The following CENPW variants were observed in gnomAD, a reference collection of about 807,000 sequenced individuals.
CENPW encodes centromere protein W.
CENPW carries 3 observed loss-of-function variants against 11.1 expected under a neutral mutation model. The ratio of observed to expected loss-of-function variants is 0.27; its 90% CI spans 0.12 to 0.70. The LOEUF is 0.70. Among genes scored for constraint, CENPW ranks in the 30% least tolerant of loss-of-function variants. The probability of loss-of-function intolerance (pLI) is 0.77; values close to 1 mark genes in which losing one functional copy is unlikely to be tolerated. For synonymous variants in CENPW, 38 were observed against 42.0 expected, an observed-to-expected ratio of 0.91 and a Z score of 0.37; for missense variants, 100 against 105.6, an observed-to-expected ratio of 0.95 and a Z score of 0.23.
chr6:126,427,959 G>T, the CENPW span, among the ~76,000 whole-genome samples: 5 of 152,168 alleles, frequency 3.3e-5, no homozygotes, highest in Admixed American at 2.0e-4. Context: ...AAAGGGAAGA[G>T]CACAGACCTT....
the CENPW span, among the ~76,000 whole-genome samples, chr6:126,454,910 TAAAAA>T: frequency 1.3e-5 from 2 of 150,546 alleles, no homozygotes; most frequent in Non-Finnish European, 3.0e-5. Flanking sequence ...CCCACAGAAA[TAAAAA>T]AAACCCCTCA....
At chr6:126,343,391 G>A (rs1780350231) in intron 1 of CENPW, among the ~76,000 whole-genome samples, 2 of 152,188 alleles carry the variant, frequency 1.3e-5, no homozygotes, top group Admixed American at 6.5e-5. Context: ...CTCAGTATCT[G>A]TATTGGGGTT....
At chr6:126,373,693 C>T in the CENPW span, among the ~76,000 whole-genome samples, 13 of 152,306 alleles carry the variant, frequency 8.5e-5, no homozygotes, top group South Asian at 2.1e-4. Flanking sequence ...TCTTATCCTC[C>T]GGAACCTCTC....
the CENPW span, among the ~76,000 whole-genome samples, chr6:126,454,037 T>C: frequency 4.8e-4 from 72 of 151,448 alleles, no homozygotes; most frequent in Admixed American, 4.5e-3. Context: ...CCTGAATATA[T>C]ATGCATGAGC....
the CENPW span, among the ~76,000 whole-genome samples, chr6:126,435,256 ACT>A: frequency 6.6e-6 from 1 of 151,876 alleles, no homozygotes. Flanking sequence ...CATTTTAATA[ACT>A]CTTTCAAAAG....
At chr6:126,470,658 C>T in the CENPW span, among the ~76,000 whole-genome samples, 2 of 152,340 alleles carry the variant, frequency 1.3e-5, no homozygotes, top group Non-Finnish European at 1.5e-5. Flanking sequence ...ACACTCAACA[C>T]CAGCCCATAA....
At chr6:126,366,989 A>G in the CENPW span, among the ~76,000 whole-genome samples, 5 of 152,232 alleles carry the variant, frequency 3.3e-5, no homozygotes, top group Admixed American at 6.5e-5. Context: ...CATGACCTAA[A>G]CACCTCCCTT....
the CENPW span, among the ~76,000 whole-genome samples, chr6:126,383,938 C>A: frequency 6.6e-6 from 1 of 152,094 alleles, no homozygotes; most frequent in African/African-American, 2.4e-5. Flanking sequence ...TACAGAGCAA[C>A]AGAATATAGA....
the CENPW span, among the ~76,000 whole-genome samples, chr6:126,411,570 G>A: frequency 3.3e-5 from 5 of 152,212 alleles, 1 homozygote; most frequent in South Asian, 1.0e-3. Context: ...GGTCAGATGT[G>A]GACTTCCCAC....
At chr6:126,423,805 T>C in the CENPW span, among the ~76,000 whole-genome samples, 20 of 151,748 alleles carry the variant, frequency 1.3e-4, no homozygotes, top group East Asian at 3.1e-3. Flanking sequence ...TTTCAATCTT[T>C]ACATTTTAAT....
the CENPW span, among the ~76,000 whole-genome samples, chr6:126,371,388 A>T: frequency 6.6e-6 from 1 of 152,190 alleles, no homozygotes; most frequent in Admixed American, 6.5e-5. Context: ...GTTGCATCAC[A>T]TTTATTGAAT....
At chr6:126,347,876 C>CT (rs1780438692) in intron 2 of CENPW, among the ~76,000 whole-genome samples, 1 of 151,662 alleles carries the variant, frequency 6.6e-6, no homozygotes, top group Admixed American at 6.6e-5. Context: ...TAAAAATCTC[C>CT]TTTTTTTATT....
At chr6:126,385,355 C>T in the CENPW span, among the ~76,000 whole-genome samples, 3 of 151,912 alleles carry the variant, frequency 2.0e-5, no homozygotes, top group Non-Finnish European at 4.4e-5. Flanking sequence ...TGAAATTAAC[C>T]TAAATGCCCA....
At chr6:126,434,717 C>G in the CENPW span, among the ~76,000 whole-genome samples, 1 of 151,754 alleles carries the variant, frequency 6.6e-6, no homozygotes, top group African/African-American at 2.4e-5. Context: ...TTGCTATTAA[C>G]TTGGCAAAAA....
At chr6:126,454,815 A>G in the CENPW span, among the ~76,000 whole-genome samples, 1 of 151,336 alleles carries the variant, frequency 6.6e-6, no homozygotes, top group East Asian at 1.9e-4. Context: ...AATAAGATTG[A>G]TAGACCACTA....
chr6:126,475,395 AT>A, the CENPW span, among the ~76,000 whole-genome samples: 1 of 152,060 alleles, frequency 6.6e-6, no homozygotes, highest in Non-Finnish European at 1.5e-5. Context: ...CCATAAATAG[AT>A]ACAAATTTTT....
At chr6:126,387,210 A>G in the CENPW span, among the ~76,000 whole-genome samples, 1 of 151,838 alleles carries the variant, frequency 6.6e-6, no homozygotes, top group Non-Finnish European at 1.5e-5. Context: ...TGTTATTGTT[A>G]TTATAATCTT....
chr6:126,407,111 G>T, the CENPW span, among the ~76,000 whole-genome samples: 1 of 152,056 alleles, frequency 6.6e-6, no homozygotes, highest in Admixed American at 6.6e-5. Context: ...AGTCCCCATT[G>T]TGTCTTGTTC....
chr6:126,397,886 C>T, the CENPW span, among the ~76,000 whole-genome samples: 1 of 152,164 alleles, frequency 6.6e-6, no homozygotes, highest in African/African-American at 2.4e-5. Flanking sequence ...ATTCCATTTA[C>T]CTGTGCTGCT....
Sources: gnomAD v4.1 joint callset for allele counts (sites outside exome capture counted in the v4.1 genomes callset) on GRCh38, gnomAD v4.1.1 for gene constraint, MANE v1.5 for transcripts, NCBI Gene and HGNC (gene_info 2026-07-23, HGNC 2026-07-21) for gene names.